The following TIPIN variants were observed in gnomAD, a reference collection of about 807,000 sequenced individuals.
TIPIN encodes the protein TIMELESS interacting protein, also known as TIMELESS-interacting protein.
In TIPIN, 29 loss-of-function variants were observed where a neutral mutation model predicts 35.6. The ratio of observed to expected loss-of-function variants is 0.82; its 90% CI spans 0.61 to 1.11. The LOEUF (loss-of-function observed/expected upper bound fraction) is 1.11. TIPIN is among the 50% of genes most tolerant of loss of function. The probability of loss-of-function intolerance (pLI) is 0.00; values close to 1 mark genes in which losing one functional copy is unlikely to be tolerated. For missense variants in TIPIN, 296 were observed against 345.4 expected, an observed-to-expected ratio of 0.86 and a Z score of 1.13; for synonymous variants, 102 against 121.5, an observed-to-expected ratio of 0.84 and a Z score of 1.06.
intron 1 of TIPIN, chr15:66,379,468 C>T (rs1009560221): frequency 3.1e-6 from 5 of 1,607,506 alleles, no homozygotes; most frequent in Non-Finnish European, 3.4e-6. Flanking sequence ...AGCTCAATGT[C>T]ATTTCCTTCA....
chr15:66,363,546 G>A (rs1195003258), intron 1 of TIPIN, among the ~76,000 whole-genome samples: 1 of 151,964 alleles, frequency 6.6e-6, no homozygotes, highest in Non-Finnish European at 1.5e-5. Context: ...GGAGGCTGAG[G>A]CAGGAGAATG....
intron 1 of TIPIN, among the ~76,000 whole-genome samples, chr15:66,366,124 A>T (rs918873587): frequency 6.6e-6 from 1 of 150,822 alleles, no homozygotes; most frequent in Non-Finnish European, 1.5e-5. Context: ...TGAGTTAGAG[A>T]CCCAATTTAG....
At chr15:66,380,401 T>A (rs1185817357) in intron 1 of TIPIN, among the ~76,000 whole-genome samples, 1 of 152,244 alleles carries the variant, frequency 6.6e-6, no homozygotes, top group East Asian at 1.9e-4. Flanking sequence ...ATTTCCCAGA[T>A]ACCTATTATG....
chr15:66,367,228 G>A (rs8036750), intron 1 of TIPIN, among the ~76,000 whole-genome samples: 4,083 of 31,184 alleles, frequency 0.13, 194 homozygotes, highest in African/African-American at 0.26. Context: ...ATCTATATCT[G>A]TATCTATATC....
intron 4 of TIPIN, 27 bp from the exon 5 acceptor site, chr15:66,349,464 A>AC (rs1420459345): frequency 1.2e-6 from 2 of 1,604,590 alleles, no homozygotes; most frequent in Admixed American, 3.5e-5. Context: ...AAAATGCTAA[A>AC]CAGGAGTCTC....
chr15:66,363,596 C>G (rs574725664), intron 1 of TIPIN, among the ~76,000 whole-genome samples: 1 of 146,016 alleles, frequency 6.8e-6, no homozygotes, highest in Non-Finnish European at 1.5e-5. Context: ...GAGCCGAGAT[C>G]GCGCCACTGC....
intron 1 of TIPIN, among the ~76,000 whole-genome samples, chr15:66,354,648 C>T (rs1386027586): frequency 6.6e-5 from 10 of 152,184 alleles, no homozygotes; most frequent in Non-Finnish European, 1.5e-5. Context: ...CTTACTACCT[C>T]ACCAGTCTCA....
intron 1 of TIPIN, among the ~76,000 whole-genome samples, chr15:66,377,268 G>A (rs1264354606): frequency 6.6e-6 from 1 of 152,132 alleles, no homozygotes; most frequent in Non-Finnish European, 1.5e-5. Context: ...CCATTTGTAT[G>A]ACTTTATCTG....
intron 1 of TIPIN, chr15:66,366,766 CAAA>C (rs36031201): frequency 2.1e-3 from 1,439 of 680,478 alleles, no homozygotes; most frequent in Non-Finnish European, 2.2e-3. Flanking sequence ...GACTCCATCT[CAAA>C]AAAAAAAAAA....
At chr15:66,337,789 A>G (rs12907975) in intron 7 of TIPIN, among the ~76,000 whole-genome samples, 5 of 152,048 alleles carry the variant, frequency 3.3e-5, no homozygotes, top group Admixed American at 6.6e-5. Context: ...ATAAAAAAAA[A>G]AATAATTAGC....
chr15:66,364,891 G>A (rs2093247233), intron 1 of TIPIN, among the ~76,000 whole-genome samples: 1 of 137,930 alleles, frequency 7.3e-6, no homozygotes, highest in Non-Finnish European at 1.5e-5. Flanking sequence ...GCTTGAACCC[G>A]AGAGGGAGAA....
At chr15:66,371,185 T>C in intron 1 of TIPIN, 2 of 958,848 alleles carry the variant, frequency 2.1e-6, no homozygotes, top group African/African-American at 1.8e-5. Context: ...CACTGCAGGC[T>C]GGGCAACAGA....
At chr15:66,356,942 A>C (rs2093208286), upstream of TIPIN, among the ~76,000 whole-genome samples, 1 of 151,776 alleles carries the variant, frequency 6.6e-6, no homozygotes, top group Admixed American at 6.6e-5. Flanking sequence ...CTTGAGACTA[A>C]GTCTCGCTCT....
chr15:66,355,999 A>G (rs1007789604), intron 1 of TIPIN, among the ~76,000 whole-genome samples: 1 of 152,124 alleles, frequency 6.6e-6, no homozygotes, highest in Non-Finnish European at 1.5e-5. Context: ...CTCCTCGTCA[A>G]TGGTCGCATA....
chr15:66,355,297 T>C (rs1188455642), intron 1 of TIPIN, among the ~76,000 whole-genome samples: 1 of 151,118 alleles, frequency 6.6e-6, no homozygotes, highest in Non-Finnish European at 1.5e-5. Flanking sequence ...CCTCCTAAAA[T>C]GCTGGGATTA....
intron 1 of TIPIN, among the ~76,000 whole-genome samples, chr15:66,372,799 A>G (rs1304847881): frequency 6.6e-6 from 1 of 152,080 alleles, no homozygotes; most frequent in East Asian, 1.9e-4. Context: ...GCTACTTGGG[A>G]GGCTGAGGCA....
At chr15:66,350,465 C>T (rs1443106327) in intron 4 of TIPIN, among the ~76,000 whole-genome samples, 1 of 151,084 alleles carries the variant, frequency 6.6e-6, no homozygotes, top group Admixed American at 6.6e-5. Flanking sequence ...ATTAGTTGGG[C>T]GTGGTGGTGG....
chr15:66,386,210 T>G (rs1226641121), intron 1 of TIPIN, among the ~76,000 whole-genome samples: 1 of 151,968 alleles, frequency 6.6e-6, no homozygotes, highest in African/African-American at 2.4e-5. Flanking sequence ...GAGAATCGCT[T>G]GAACGTGGGA....
chr15:66,342,583 C>G (rs1230767438), intron 6 of TIPIN, among the ~76,000 whole-genome samples: 1 of 152,072 alleles, frequency 6.6e-6, no homozygotes, highest in Non-Finnish European at 1.5e-5. Flanking sequence ...AGGCTGGTCT[C>G]AAATTCCTGA....
Sources: allele counts gnomAD v4.1 joint callset (sites outside exome capture counted in the v4.1 genomes callset), GRCh38; gene constraint gnomAD v4.1.1; transcripts MANE v1.5; gene names NCBI Gene and HGNC (gene_info 2026-07-23, HGNC 2026-07-21).